Variants in TTC39B observed in about 807,000 individuals in gnomAD.
TTC39B encodes tetratricopeptide repeat protein 39B.
Under a neutral mutation model 96.6 loss-of-function variants are expected in TTC39B, and 92 were observed. That is an observed-to-expected ratio of 0.95 (90% CI 0.80 to 1.13). The LOEUF (loss-of-function observed/expected upper bound fraction) is 1.13. Among genes scored for constraint, TTC39B ranks in the 50% most tolerant of loss-of-function variants. The pLI is 0.00. For missense variants in TTC39B, 955 were observed against 809.3 expected (o/e 1.18, Z -2.18); for synonymous variants, 367 against 299.4 (o/e 1.23, Z -2.33).
chr9:15,243,160 A>G (rs1822121147), intron 2 of TTC39B, among the ~76,000 whole-genome samples: 1 of 152,218 alleles, frequency 6.6e-6, no homozygotes, highest in Non-Finnish European at 1.5e-5. Context: ...TGTCAGAAGG[A>G]GGAGAGAGAG....
chr9:15,307,215 G>A (rs936804903), exon 1 of TTC39B: 1 of 1,558,316 alleles, frequency 6.4e-7, no homozygotes, highest in African/African-American at 1.4e-5. Flanking sequence ...CCAGCGCAAA[G>A]GAGGGCAAAA....
At chr9:15,233,769 G>C (rs890564833) in intron 2 of TTC39B, among the ~76,000 whole-genome samples, 15 of 152,004 alleles carry the variant, frequency 9.9e-5, no homozygotes, top group Non-Finnish European at 5.9e-5. Flanking sequence ...GCCTCTGCCC[G>C]GCCGCCACCC....
chr9:15,189,463 G>A (rs1818726490), intron 13 of TTC39B, 111 bp downstream of exon 13: 5 of 1,077,080 alleles, frequency 4.6e-6, no homozygotes, highest in Non-Finnish European at 6.7e-6. Flanking sequence ...CTTTATTTTT[G>A]TCTAGTCCAT....
At chr9:15,211,284 G>C in exon 5 of TTC39B, 1 of 1,565,120 alleles carries the variant, frequency 6.4e-7, no homozygotes, top group African/African-American at 1.4e-5. Context: ...GGTTTGTAAA[G>C]CGTCCTTCAT....
intron 16 of TTC39B, 40 bp from the exon 17 acceptor site, chr9:15,182,455 G>A (rs753088655): frequency 7.4e-7 from 1 of 1,358,294 alleles, no homozygotes; most frequent in South Asian, 1.2e-5. Flanking sequence ...GTTATATGAG[G>A]TTATTCAATG....
At chr9:15,196,805 C>T (rs1718812139) in intron 8 of TTC39B, among the ~76,000 whole-genome samples, 2 of 152,146 alleles carry the variant, frequency 1.3e-5, no homozygotes, top group South Asian at 2.1e-4. Context: ...GGGTAAAGTG[C>T]CATCAAGTGG....
chr9:15,261,591 C>T (rs12349572), intron 2 of TTC39B, among the ~76,000 whole-genome samples: 45,489 of 152,016 alleles, frequency 0.3, 10,955 homozygotes, highest in African/African-American at 0.67. Flanking sequence ...CAGGGCCCCA[C>T]TGGTGTTTCA....
At chr9:15,168,769 G>GCC (rs1817574176) in exon 20 of TTC39B, 2 of 152,128 alleles carry the variant, frequency 1.3e-5, no homozygotes, top group Admixed American at 6.5e-5. Flanking sequence ...CAGAGATTAC[G>GCC]CCACTGCACT....
chr9:15,174,237 T>G (rs1172171277), intron 19 of TTC39B, among the ~76,000 whole-genome samples: 1 of 133,578 alleles, frequency 7.5e-6, no homozygotes, highest in Non-Finnish European at 1.6e-5. Context: ...GCTTAGTTTA[T>G]AGTTGTCTCT....
chr9:15,201,210 A>G (rs192659621), intron 7 of TTC39B, among the ~76,000 whole-genome samples: 2 of 152,214 alleles, frequency 1.3e-5, no homozygotes, highest in East Asian at 3.9e-4. Context: ...ATTACATAAA[A>G]TCCAATACCA....
At chr9:15,297,336 T>C (rs1421080062) in intron 1 of TTC39B, among the ~76,000 whole-genome samples, 1 of 152,194 alleles carries the variant, frequency 6.6e-6, no homozygotes, top group Non-Finnish European at 1.5e-5. Context: ...CAGTTTCAAC[T>C]CCTTCGTGTC....
chr9:15,294,298 GCA>G (rs1046055074), intron 1 of TTC39B, among the ~76,000 whole-genome samples: 11 of 152,024 alleles, frequency 7.2e-5, no homozygotes, highest in African/African-American at 2.7e-4. Context: ...AGGAATGCTT[GCA>G]CACTCTTACT....
chr9:15,175,530 T>A (rs573113471), intron 18 of TTC39B, among the ~76,000 whole-genome samples: 16 of 152,270 alleles, frequency 1.1e-4, no homozygotes, highest in African/African-American at 3.8e-4. Context: ...TATTTTAAAG[T>A]CTTATAATAC....
At chr9:15,236,903 T>G (rs992568365) in intron 2 of TTC39B, among the ~76,000 whole-genome samples, 1 of 150,644 alleles carries the variant, frequency 6.6e-6, no homozygotes, top group Non-Finnish European at 1.5e-5. Context: ...CAACCTAACA[T>G]CACAACTCAA....
At chr9:15,257,103 T>C (rs977836822) in intron 2 of TTC39B, among the ~76,000 whole-genome samples, 2 of 152,222 alleles carry the variant, frequency 1.3e-5, no homozygotes, top group African/African-American at 4.8e-5. Context: ...GACAACAGTC[T>C]TGTGATTTTT....
intron 2 of TTC39B, among the ~76,000 whole-genome samples, chr9:15,243,676 G>A (rs1822147899): frequency 6.6e-6 from 1 of 152,200 alleles, no homozygotes; most frequent in Non-Finnish European, 1.5e-5. Context: ...TTGGGAGGCT[G>A]AGGCAGGAGG....
chr9:15,296,658 C>A (rs574678162), intron 1 of TTC39B, among the ~76,000 whole-genome samples: 3 of 152,300 alleles, frequency 2.0e-5, no homozygotes, highest in African/African-American at 7.2e-5. Context: ...CCATGCCCAG[C>A]AAATTTTTGT....
At chr9:15,253,916 C>A (rs1286682860) in intron 2 of TTC39B, among the ~76,000 whole-genome samples, 1 of 151,998 alleles carries the variant, frequency 6.6e-6, no homozygotes. Context: ...TACTAAGAAC[C>A]ATACAAAGCA....
rs61198841 is a variant in TTC39B at position 15,254,647 on chromosome 9, C to T, written c.275+13267G>A. On this transcript the variant is annotated intron_variant, in intron 2 of 19. Coordinates refer to ENST00000512701, the Ensembl canonical transcript of TTC39B. ...CTGTACCGAGACAAAGAGAATGTAT[C>T]GTTTAAAATACACTTTTTAAATACC... is the stretch of plus-strand genomic sequence containing the variant. Among the ~76,000 whole-genome samples the T allele has an allele frequency of 3.2e-4, 48 of 152,048 alleles. 1 individual carries two copies. Among genetic ancestry groups the T allele is most frequent in the African/African-American group, 1.0e-3 (43 of 41,494 alleles).
Sources: allele counts gnomAD v4.1 joint callset (sites outside exome capture counted in the v4.1 genomes callset), GRCh38; gene constraint gnomAD v4.1.1; transcripts MANE v1.5; gene names NCBI Gene and HGNC (gene_info 2026-07-23, HGNC 2026-07-21).